Variants in KCTD8 observed in about 807,000 individuals in gnomAD.
The protein encoded by KCTD8 is BTB/POZ domain-containing protein KCTD8.
A neutral mutation model predicts 31.5 loss-of-function variants in KCTD8; 27 were observed. The observed-to-expected ratio is 0.86, with a 90% CI of 0.63 to 1.18. The LOEUF (loss-of-function observed/expected upper bound fraction) is 1.18, where lower values mean the gene tolerates loss of function less well. KCTD8 is among the 50% of genes most tolerant of loss of function. The probability of loss-of-function intolerance (pLI) is 0.00; values close to 1 mark genes in which losing one functional copy is unlikely to be tolerated. For missense variants in KCTD8, 658 were observed against 647.7 expected (o/e 1.02, Z -0.17); for synonymous variants, 290 against 280.0 (o/e 1.04, Z -0.36).
chr4:44,251,957 C>T (rs1339512807), intron 1 of KCTD8, among the ~76,000 whole-genome samples: 3 of 151,370 alleles, frequency 2.0e-5, no homozygotes, highest in Admixed American at 1.3e-4. Flanking sequence ...TCTGGTGTAC[C>T]CGTCACCCAA....
intron 1 of KCTD8, among the ~76,000 whole-genome samples, chr4:44,256,916 G>A (rs1560407759): frequency 1.3e-5 from 2 of 151,860 alleles, no homozygotes; most frequent in African/African-American, 4.8e-5. Context: ...TTTGTTATAG[G>A]AGCAATAGAA....
intron 1 of KCTD8, among the ~76,000 whole-genome samples, chr4:44,439,391 G>A (rs908252016): frequency 6.6e-6 from 1 of 151,952 alleles, no homozygotes; most frequent in African/African-American, 2.4e-5. Context: ...GTTACAATAT[G>A]GTAGAAATAA....
chr4:44,345,755 T>A (rs924527596), intron 1 of KCTD8, among the ~76,000 whole-genome samples: 1 of 152,156 alleles, frequency 6.6e-6, no homozygotes, highest in Non-Finnish European at 1.5e-5. Context: ...TGGAATCAAA[T>A]TGTTTCTTAT....
intron 1 of KCTD8, among the ~76,000 whole-genome samples, chr4:44,269,115 G>A (rs1716490612): frequency 6.6e-6 from 1 of 152,116 alleles, no homozygotes; most frequent in South Asian, 2.1e-4. Flanking sequence ...AAAGCTGGAG[G>A]CATCATGCTA....
intron 1 of KCTD8, 131 bp downstream of exon 1, chr4:44,447,431 AG>A: frequency 7.4e-7 from 1 of 1,354,524 alleles, no homozygotes; most frequent in South Asian, 1.8e-5. Context: ...TCGTGCAGGG[AG>A]AGCCGCTCTC....
intron 1 of KCTD8, among the ~76,000 whole-genome samples, chr4:44,313,126 T>G (rs1471013317): frequency 1.3e-5 from 2 of 152,184 alleles, no homozygotes; most frequent in African/African-American, 4.8e-5. Context: ...AGGAAGCATG[T>G]ATTCTGAAGA....
intron 1 of KCTD8, among the ~76,000 whole-genome samples, chr4:44,389,676 A>C (rs1353039103): frequency 6.6e-6 from 1 of 151,854 alleles, no homozygotes; most frequent in African/African-American, 2.4e-5. Context: ...GTTGCACAAC[A>C]ATATAAATGC....
At chr4:44,322,727 C>T (rs1718328657) in intron 1 of KCTD8, among the ~76,000 whole-genome samples, 1 of 152,022 alleles carries the variant, frequency 6.6e-6, no homozygotes, top group East Asian at 1.9e-4. Context: ...TCATGTGTTA[C>T]ATTTATGTCT....
intron 1 of KCTD8, among the ~76,000 whole-genome samples, chr4:44,420,590 T>A (rs1302548896): frequency 6.6e-6 from 1 of 152,104 alleles, no homozygotes; most frequent in Non-Finnish European, 1.5e-5. Context: ...TTGAGGTAGA[T>A]GTTTGGTGGA....
chr4:44,246,510 A>C (rs1022282743), intron 1 of KCTD8, among the ~76,000 whole-genome samples: 6 of 152,058 alleles, frequency 3.9e-5, no homozygotes, highest in African/African-American at 1.4e-4. Flanking sequence ...AAAGGAAAGG[A>C]AGTAGACTTC....
chr4:44,221,347 A>ATGTGTGTG (rs35222595), intron 1 of KCTD8, among the ~76,000 whole-genome samples: 4 of 148,182 alleles, frequency 2.7e-5, no homozygotes, highest in African/African-American at 9.9e-5. Context: ...GTGTGTGTGC[A>ATGTGTGTG]TGTGTGTGTG....
At chr4:44,353,950 T>C (rs1719280282) in intron 1 of KCTD8, among the ~76,000 whole-genome samples, 1 of 152,156 alleles carries the variant, frequency 6.6e-6, no homozygotes, top group Non-Finnish European at 1.5e-5. Context: ...TGCTTTGGAT[T>C]GCTCCAACCA....
chr4:44,408,594 T>G (rs533764529), intron 1 of KCTD8, among the ~76,000 whole-genome samples: 3 of 152,166 alleles, frequency 2.0e-5, no homozygotes, highest in Admixed American at 6.5e-5. Flanking sequence ...AATAGATAAT[T>G]TGTAATCACT....
intron 1 of KCTD8, among the ~76,000 whole-genome samples, chr4:44,194,947 C>T (rs928569792): frequency 1.3e-5 from 2 of 150,784 alleles, no homozygotes. Context: ...CCTCTACCTC[C>T]TGGGTTGAAG....
At chr4:44,246,325 T>G (rs1417647138) in intron 1 of KCTD8, among the ~76,000 whole-genome samples, 2 of 152,012 alleles carry the variant, frequency 1.3e-5, no homozygotes, top group African/African-American at 4.8e-5. Flanking sequence ...CCTATCTATA[T>G]TTTAGCCCGT....
At chr4:44,445,307 G>A (rs576447279) in intron 1 of KCTD8, among the ~76,000 whole-genome samples, 30 of 152,214 alleles carry the variant, frequency 2.0e-4, no homozygotes, top group Middle Eastern at 3.4e-3. Flanking sequence ...GTTGATCAAC[G>A]ACTAGCTTAC....
chr4:44,278,347 T>G (rs1716809606), intron 1 of KCTD8, among the ~76,000 whole-genome samples: 1 of 152,028 alleles, frequency 6.6e-6, no homozygotes, highest in South Asian at 2.1e-4. Context: ...CCACTTATCC[T>G]TTCCTAACCC....
chr4:44,252,017 C>T (rs1446972391), intron 1 of KCTD8, among the ~76,000 whole-genome samples: 1 of 151,734 alleles, frequency 6.6e-6, no homozygotes, highest in East Asian at 1.9e-4. Flanking sequence ...CACCCTCACT[C>T]ACCCTTTCCT....
At chr4:44,210,778 G>C (rs900566654) in intron 1 of KCTD8, among the ~76,000 whole-genome samples, 3 of 152,144 alleles carry the variant, frequency 2.0e-5, no homozygotes, top group African/African-American at 7.2e-5. Flanking sequence ...GGAAGCTAGG[G>C]CCTGGAGCCA....
Sources: allele counts gnomAD v4.1 joint callset (sites outside exome capture counted in the v4.1 genomes callset), GRCh38; gene constraint gnomAD v4.1.1; transcripts MANE v1.5; gene names NCBI Gene and HGNC (gene_info 2026-07-23, HGNC 2026-07-21).